SYNPO2: variants seen among roughly 807,000 people sequenced by gnomAD.
SYNPO2 encodes the protein synaptopodin 2.
SYNPO2 carries 56 observed loss-of-function variants against 85.0 expected under a neutral mutation model. That is an observed-to-expected ratio of 0.66 (90% confidence interval 0.53 to 0.82). The LOEUF (loss-of-function observed/expected upper bound fraction) is 0.82, where lower values mean the gene tolerates loss of function less well. Ranked by LOEUF, SYNPO2 falls within the 40% of genes least tolerant of loss-of-function variation. The pLI, the probability that SYNPO2 is intolerant of heterozygous loss-of-function variation, is 0.00. For missense variants in SYNPO2, 1,575 were observed against 1,534.2 expected, an observed-to-expected ratio of 1.03 and a Z score of -0.44; for synonymous variants, 602 against 591.1, an observed-to-expected ratio of 1.02 and a Z score of -0.27.
chr4:118,961,171 G>A (rs1322865040), intron 1 of SYNPO2, among the ~76,000 whole-genome samples: 9 of 138,156 alleles, frequency 6.5e-5, no homozygotes, highest in Non-Finnish European at 1.2e-4. Flanking sequence ...CTACTAGGGA[G>A]AACCTACTGG....
intron 1 of SYNPO2, among the ~76,000 whole-genome samples, chr4:118,914,447 A>G (rs992820624): frequency 3.9e-5 from 6 of 152,304 alleles, no homozygotes; most frequent in African/African-American, 1.4e-4. Flanking sequence ...AAAAGTTAAA[A>G]TAAGTCATTA....
chr4:118,959,917 G>A (rs6858546), intron 1 of SYNPO2, among the ~76,000 whole-genome samples: 72,668 of 151,986 alleles, frequency 0.48, 17,573 homozygotes, highest in Admixed American at 0.57. Flanking sequence ...TGGGACGGAG[G>A]CCTTTGCAGA....
chr4:119,010,867 C>T (rs1452494105), intron 1 of SYNPO2, among the ~76,000 whole-genome samples: 1 of 152,110 alleles, frequency 6.6e-6, no homozygotes, highest in East Asian at 1.9e-4. Flanking sequence ...GCTACAACTC[C>T]ATTTCCTTAC....
At position 118,960,486 on chromosome 4, in the gene SYNPO2, T is replaced by A. The variant is rs1003009536; in HGVS notation, c.106-62944T>A. ...ATTGAATGTAAAATTGTAAAATTAG[T>A]TTCCTGTGGCAGGAAACTAATATAT... On this transcript the variant is annotated intron_variant, in intron 1 of 4. Transcript: ENST00000307142. Among the ~76,000 whole-genome samples, 4 of 152,082 alleles carry A rather than the reference T, an allele frequency of 2.6e-5. No homozygotes were observed. The East Asian group carries it at 7.7e-4, about 29-fold the overall frequency.
At position 119,031,743 on chromosome 4, in the gene SYNPO2, C is replaced by T. The variant is rs139801110; in HGVS notation, c.2968C>T (p.Gln990Ter). ...QPPDAKDGLP[Q>*]KSSVKVNSAL... ...TCCAGATGCAAAGGATGGCCTCCCC[C>T]AGAAGTCATCAGTCAAGGTCAATTC... Residue 990 changes from glutamine (Q) to a stop codon, truncating the protein, a stop_gained, in exon 4 of 5, where the codon CAG (glutamine) becomes TAG (stop). Transcript: ENST00000307142. LOFTEE classifies it high-confidence loss of function. 1.2e-6 allele frequency: 2 copies of T among 1,614,228 alleles called. No individual in the cohort carries two copies. The highest frequency in any genetic ancestry group is 1.3e-5 in the African/African-American group (1 of 75,066).
chr4:119,011,302 T>C (rs1737292648), intron 1 of SYNPO2, among the ~76,000 whole-genome samples: 1 of 152,236 alleles, frequency 6.6e-6, no homozygotes, highest in African/African-American at 2.4e-5. Context: ...TCGATGCATA[T>C]GTTTATCTCC....
At chr4:118,969,448 T>C (rs1383187092) in intron 1 of SYNPO2, among the ~76,000 whole-genome samples, 1 of 152,250 alleles carries the variant, frequency 6.6e-6, no homozygotes, top group Non-Finnish European at 1.5e-5. Flanking sequence ...ACTGGGTTTA[T>C]ATTATCCATT....
intron 4 of SYNPO2, among the ~76,000 whole-genome samples, chr4:119,039,282 AG>A (rs1363744274): frequency 6.6e-6 from 1 of 152,168 alleles, no homozygotes; most frequent in East Asian, 1.9e-4. Flanking sequence ...GGGACCCAAC[AG>A]TCAAACTCTA....
chr4:118,906,150 T>C (rs1402938111), intron 1 of SYNPO2, among the ~76,000 whole-genome samples: 1 of 152,204 alleles, frequency 6.6e-6, no homozygotes, highest in Non-Finnish European at 1.5e-5. Context: ...TGACTGTACA[T>C]CTTTTATTGT....
chr4:119,011,092 C>G (rs751275143), intron 1 of SYNPO2, among the ~76,000 whole-genome samples: 9 of 152,192 alleles, frequency 5.9e-5, no homozygotes, highest in Non-Finnish European at 4.4e-5. Context: ...ATTAACAGAA[C>G]ACTTACATGG....
At chr4:118,870,921 T>TA (rs1407340371) in intron 1 of SYNPO2, among the ~76,000 whole-genome samples, 1 of 152,164 alleles carries the variant, frequency 6.6e-6, no homozygotes, top group Non-Finnish European at 1.5e-5. Flanking sequence ...AGCAGATGTT[T>TA]AAAAAATCTT....
chr4:119,031,959 G>C lies in SYNPO2; in HGVS notation c.3184G>C (p.Ala1062Pro). Reference sequence around the variant, plus strand: ...TCCCACCTCGCCAAAGCAAGAATCAGCCTCATCATCTTATTTTGTGGCACC... The same window carrying C: ...TCCCACCTCGCCAAAGCAAGAATCACCCTCATCATCTTATTTTGTGGCACC... ...GIPTSPKQES[A>P]SSSYFVAPRP... is the part of the protein sequence containing the mutation. Residue 1062 changes from alanine (A) to proline (P), a missense_variant, in exon 4 of 5, where the codon GCC becomes CCC. This residue lies in a region of SYNPO2 where 1,508 missense variants were observed against 1,446.8 expected (regional missense o/e 1.04). Transcript: ENST00000307142. The C allele has an allele frequency of 6.2e-7, 1 of 1,614,232 alleles. No homozygotes were observed. Among genetic ancestry groups the C allele is most frequent in the Non-Finnish European group, 8.5e-7 (1 of 1,180,048 alleles).
chr4:118,984,183 G>C (rs1204204642), intron 1 of SYNPO2, among the ~76,000 whole-genome samples: 1 of 152,118 alleles, frequency 6.6e-6, no homozygotes, highest in Non-Finnish European at 1.5e-5. Flanking sequence ...TTCCAAAACA[G>C]TCCTTTCCAT....
At chr4:119,036,251 G>A (rs1282043790) in intron 4 of SYNPO2, 1 of 985,306 alleles carries the variant, frequency 1.0e-6, no homozygotes, top group African/African-American at 1.7e-5. Context: ...AAGTCGTGGG[G>A]CGTGTGCTCA....
At chr4:118,855,573 A>G (rs1269254112) in intron 1 of SYNPO2, among the ~76,000 whole-genome samples, 2 of 152,166 alleles carry the variant, frequency 1.3e-5, no homozygotes, top group African/African-American at 4.8e-5. Context: ...TGAAGGTGTC[A>G]ATAATTTCAA....
chr4:119,006,707 T>A (rs1286371647), intron 1 of SYNPO2, among the ~76,000 whole-genome samples: 1 of 152,178 alleles, frequency 6.6e-6, no homozygotes, highest in African/African-American at 2.4e-5. Flanking sequence ...ATTTCTCTGT[T>A]TTCTTTATAA....
intron 1 of SYNPO2, among the ~76,000 whole-genome samples, chr4:119,000,705 C>G (rs1344538952): frequency 1.3e-5 from 2 of 152,070 alleles, no homozygotes; most frequent in Non-Finnish European, 2.9e-5. Flanking sequence ...GGGCTGGATT[C>G]CAGGAGAAAG....
chr4:119,037,303 A>C, intron 4 of SYNPO2: 1 of 1,292,714 alleles, frequency 7.7e-7, no homozygotes, highest in East Asian at 2.9e-5. Flanking sequence ...CATGAAAAAA[A>C]ATTTTTAAAT....
chr4:118,876,667 CTCTTTCTTTCTT>C (rs58409340), intron 1 of SYNPO2, among the ~76,000 whole-genome samples: 20,680 of 111,744 alleles, frequency 0.19, 2,138 homozygotes, highest in Admixed American at 0.2. Context: ...TCCTTCCTTT[CTCTTTCTTTCTT>C]TCTTTCTTTC....
Sources: gnomAD v4.1 joint callset for allele counts (sites outside exome capture counted in the v4.1 genomes callset) on GRCh38, gnomAD v4.1.1 for gene constraint, gnomAD v4.1.1 regional missense constraint, MANE v1.5 for transcripts, NCBI Gene and HGNC (gene_info 2026-07-23, HGNC 2026-07-21) for gene names.